The following GADL1 variants were observed in gnomAD, a reference collection of about 807,000 sequenced individuals.
GADL1 encodes acidic amino acid decarboxylase GADL1.
Under a neutral mutation model 69.5 loss-of-function variants are expected in GADL1, and 71 were observed. The ratio of observed to expected loss-of-function variants is 1.02; its 90% CI spans 0.84 to 1.25. The LOEUF is 1.25. GADL1 is among the 50% of genes most tolerant of loss of function. The probability of loss-of-function intolerance (pLI) is 0.00; values close to 1 mark genes in which losing one functional copy is unlikely to be tolerated. For synonymous variants in GADL1, 254 were observed against 214.4 expected, an observed-to-expected ratio of 1.18 and a Z score of -1.62; for missense variants, 737 against 631.8, an observed-to-expected ratio of 1.17 and a Z score of -1.79.
At chr3:30,788,971 A>G (rs1465997268) in intron 12 of GADL1, among the ~76,000 whole-genome samples, 1 of 152,132 alleles carries the variant, frequency 6.6e-6, no homozygotes, top group Non-Finnish European at 1.5e-5. Context: ...CAACCATGAG[A>G]GTTGGAATTA....
chr3:30,849,588 C>A lies in GADL1; in HGVS notation c.651+408G>T, dbSNP rs534469928. Reference sequence around the variant, plus strand: ...CATTGTTACTGTATATCTTTCTTTTCCCTGGAAAAGTAAGATACACATCCC... The same window carrying A: ...CATTGTTACTGTATATCTTTCTTTTACCTGGAAAAGTAAGATACACATCCC... On this transcript the variant is annotated intron_variant, in intron 6 of 14. Coordinates refer to ENST00000282538, the MANE Select transcript of GADL1 (RefSeq NM_207359.3). Among the ~76,000 whole-genome samples, 130 of 151,786 alleles carry A rather than the reference C, an allele frequency of 8.6e-4. 1 individual carries two copies. Among genetic ancestry groups the A allele is most frequent in the Middle Eastern group, 3.4e-3 (1 of 294 alleles).
intron 6 of GADL1, among the ~76,000 whole-genome samples, chr3:30,846,124 C>T (rs192995946): frequency 6.8e-4 from 103 of 151,282 alleles, no homozygotes; most frequent in African/African-American, 2.4e-3. Context: ...AAGGAAGAGC[C>T]CTGGAAGGGA....
intron 9 of GADL1, among the ~76,000 whole-genome samples, chr3:30,837,920 T>C (rs1697900229): frequency 6.6e-6 from 1 of 152,154 alleles, no homozygotes; most frequent in African/African-American, 2.4e-5. Context: ...ATAGAAGCAA[T>C]AACTCTAGTA....
intron 8 of GADL1, among the ~76,000 whole-genome samples, chr3:30,839,835 T>C (rs1308223454): frequency 2.0e-5 from 3 of 151,552 alleles, no homozygotes; most frequent in African/African-American, 7.3e-5. Context: ...AAAGGGAGAA[T>C]GTGGGTGCAC....
chr3:30,807,375 T>C (rs773425572), intron 11 of GADL1, among the ~76,000 whole-genome samples: 1 of 152,228 alleles, frequency 6.6e-6, no homozygotes, highest in African/African-American at 2.4e-5. Context: ...TATACAGTTA[T>C]AGAAGTAGGC....
chr3:30,773,428 A>AAT (rs1696463783), intron 14 of GADL1, among the ~76,000 whole-genome samples: 2 of 102,826 alleles, frequency 1.9e-5, no homozygotes, highest in Non-Finnish European at 3.3e-5. Flanking sequence ...ACAAACATAC[A>AAT]TTATAGAAAA....
At chr3:30,843,542 C>T (rs1243386041) in intron 8 of GADL1, among the ~76,000 whole-genome samples, 1 of 152,154 alleles carries the variant, frequency 6.6e-6, no homozygotes, top group Admixed American at 6.5e-5. Flanking sequence ...AGGCGTGAGC[C>T]ACCGCGCCCG....
chr3:30,803,862 G>A (rs768331253), intron 11 of GADL1, among the ~76,000 whole-genome samples: 7 of 152,194 alleles, frequency 4.6e-5, no homozygotes, highest in Non-Finnish European at 5.9e-5. Flanking sequence ...TTTAGAATAA[G>A]TATAGTAAAA....
At chr3:30,763,757 T>C (rs1172635961) in intron 14 of GADL1, among the ~76,000 whole-genome samples, 3 of 149,068 alleles carry the variant, frequency 2.0e-5, no homozygotes, top group African/African-American at 7.5e-5. Context: ...CTAAGCATTG[T>C]AAGTCTTAAA....
At chr3:30,762,863 A>AT (rs1442344205) in intron 14 of GADL1, among the ~76,000 whole-genome samples, 3 of 152,076 alleles carry the variant, frequency 2.0e-5, no homozygotes, top group Admixed American at 6.5e-5. Context: ...TCCTTGCTTT[A>AT]TTTCACTTAA....
chr3:30,775,189 T>G (rs535843784), intron 14 of GADL1, among the ~76,000 whole-genome samples: 11 of 152,330 alleles, frequency 7.2e-5, no homozygotes, highest in African/African-American at 2.6e-4. Flanking sequence ...TATGCGCTCA[T>G]ACCCTTCAAC....
chr3:30,857,221 A>G, intron 2 of GADL1, 80 bp from the exon 3 acceptor site: 1 of 1,211,804 alleles, frequency 8.3e-7, no homozygotes, highest in Non-Finnish European at 1.2e-6. Flanking sequence ...GGACTCTACC[A>G]TTACAAAGCT....
In GADL1 at chr3:30,860,173, C is replaced by T. The variant is rs569536304; in HGVS notation, c.210+1420G>A. Among the ~76,000 whole-genome samples the T allele has an allele frequency of 2.0e-5, 3 of 152,010 alleles. No homozygotes were observed. The East Asian group carries it at 5.8e-4, about 30-fold the overall frequency. ...ACATTCCACATCTGAGCTCAAAGTA[C>T]TCGCTCCTGAGTGAAATCCCAAAAA... On this transcript the variant is annotated intron_variant, in intron 2 of 14. Coordinates refer to ENST00000282538, the MANE Select transcript of GADL1 (RefSeq NM_207359.3).
chr3:30,852,833 T>C (rs890154649), intron 4 of GADL1, among the ~76,000 whole-genome samples: 1 of 152,142 alleles, frequency 6.6e-6, no homozygotes, highest in South Asian at 2.1e-4. Flanking sequence ...TGAACTTAGA[T>C]GAAGAGTTAG....
At chr3:30,770,980 TAAC>T (rs1422111326) in intron 14 of GADL1, among the ~76,000 whole-genome samples, 11 of 152,242 alleles carry the variant, frequency 7.2e-5, no homozygotes, top group Admixed American at 1.3e-4. Flanking sequence ...AGCAAAGTAA[TAAC>T]AAATTTTATG....
chr3:30,823,863 C>T (rs1697634885), intron 11 of GADL1, among the ~76,000 whole-genome samples: 2 of 151,884 alleles, frequency 1.3e-5, no homozygotes, highest in South Asian at 4.1e-4. Context: ...CTTGAGATGG[C>T]TTTCGCAGCA....
intron 1 of GADL1, 151 bp downstream of exon 1, chr3:30,894,427 G>GA (rs758149878): frequency 2.7e-4 from 153 of 562,602 alleles, no homozygotes; most frequent in Admixed American, 2.0e-3. Flanking sequence ...GGAAAACGGA[G>GA]AAAAAATCCA....
chr3:30,857,837 T>C (rs984813940), intron 2 of GADL1, among the ~76,000 whole-genome samples: 9 of 151,958 alleles, frequency 5.9e-5, no homozygotes, highest in African/African-American at 2.2e-4. Flanking sequence ...CTTGACACCC[T>C]AGCCTCCTTA....
Position 30,763,160 on chromosome 3 carries a change from C to G in GADL1, c.1392+15019G>C, listed in dbSNP as rs1048521598. On this transcript the variant is annotated intron_variant, in intron 14 of 14. Coordinates refer to ENST00000282538, the MANE Select transcript of GADL1 (RefSeq NM_207359.3). ...GTATGTGTATTTATACATATACATA[C>G]TCCTCAGCTTACAATGGGGTTACAT... Among the ~76,000 whole-genome samples, 4 of 152,074 alleles carry G rather than the reference C, an allele frequency of 2.6e-5. 1 individual carries two copies. Among genetic ancestry groups the G allele is most frequent in the African/African-American group, 9.7e-5 (4 of 41,390 alleles).
Sources: allele counts gnomAD v4.1 joint callset (sites outside exome capture counted in the v4.1 genomes callset), GRCh38; gene constraint gnomAD v4.1.1; transcripts MANE v1.5; gene names NCBI Gene and HGNC (gene_info 2026-07-23, HGNC 2026-07-21).